SEMA3E: variants seen among roughly 807,000 people sequenced by gnomAD.
SEMA3E encodes the protein semaphorin-3E.
SEMA3E carries 49 observed loss-of-function variants against 93.6 expected under a neutral mutation model. The observed-to-expected ratio is 0.52, with a 90% CI of 0.42 to 0.66. SEMA3E has a LOEUF of 0.66. Among genes scored for constraint, SEMA3E ranks in the 30% least tolerant of loss-of-function variants. The pLI is 0.00. For missense variants in SEMA3E, 906 were observed against 964.8 expected (o/e 0.94, Z 0.81); for synonymous variants, 363 against 330.7 (o/e 1.10, Z -1.06).
chr7:83,525,084 T>C (rs11977520), intron 1 of SEMA3E, among the ~76,000 whole-genome samples: 2,171 of 152,204 alleles, frequency 0.014, 65 homozygotes, highest in African/African-American at 0.049. Context: ...AGAACTTGCA[T>C]GTCTGAACCG....
intron 1 of SEMA3E, among the ~76,000 whole-genome samples, chr7:83,514,528 T>C (rs1790889431): frequency 6.6e-6 from 1 of 152,164 alleles, no homozygotes. Flanking sequence ...TCTTGTGTTG[T>C]TGTTGTTGGT....
chr7:83,541,808 C>A (rs1442117910), intron 1 of SEMA3E, among the ~76,000 whole-genome samples: 1 of 152,054 alleles, frequency 6.6e-6, no homozygotes, highest in African/African-American at 2.4e-5. Context: ...GGCTGAAACA[C>A]ACAGAATGAT....
intron 11 of SEMA3E, among the ~76,000 whole-genome samples, chr7:83,399,341 A>G (rs1788190420): frequency 6.6e-6 from 1 of 152,180 alleles, no homozygotes; most frequent in Admixed American, 6.6e-5. Flanking sequence ...TGAAATTACA[A>G]ATTTATTTGA....
intron 2 of SEMA3E, 140 bp downstream of exon 2, chr7:83,489,972 TCA>T: frequency 1.3e-6 from 1 of 756,992 alleles, no homozygotes; most frequent in Non-Finnish European, 2.1e-6. Flanking sequence ...CAAAATGATT[TCA>T]GTTTTAACTA....
chr7:83,399,773 A>C (rs1388475086), intron 11 of SEMA3E, among the ~76,000 whole-genome samples: 1 of 152,154 alleles, frequency 6.6e-6, no homozygotes, highest in African/African-American at 2.4e-5. Flanking sequence ...CATCTGAAAA[A>C]AAACCACATA....
chr7:83,442,520 T>TA (rs1789135791), intron 4 of SEMA3E, among the ~76,000 whole-genome samples: 1 of 152,332 alleles, frequency 6.6e-6, no homozygotes, highest in South Asian at 2.1e-4. Flanking sequence ...TTTAGCCACT[T>TA]AAGGAATGGG....
At chr7:83,587,232 A>G (rs1792648379) in intron 1 of SEMA3E, among the ~76,000 whole-genome samples, 1 of 152,194 alleles carries the variant, frequency 6.6e-6, no homozygotes, top group South Asian at 2.1e-4. Context: ...ATTTTAACCA[A>G]TTTGAGGCTT....
At chr7:83,462,276 C>T (rs1026271048) in intron 4 of SEMA3E, 2 of 152,184 alleles carry the variant, frequency 1.3e-5, no homozygotes, top group Non-Finnish European at 2.9e-5. Flanking sequence ...TTTCAAGGGC[C>T]TGTTTCCCTT....
chr7:83,612,677 T>C (rs1236030802), intron 1 of SEMA3E: 1 of 152,074 alleles, frequency 6.6e-6, no homozygotes, highest in Non-Finnish European at 1.5e-5. Flanking sequence ...CCCTGGATTT[T>C]AAAGAACAGA....
At chr7:83,637,887 C>T (rs899974885) in intron 1 of SEMA3E, among the ~76,000 whole-genome samples, 2 of 149,142 alleles carry the variant, frequency 1.3e-5, no homozygotes, top group African/African-American at 5.0e-5. Context: ...GGTTTCTGGG[C>T]TGGTGTCCAA....
At position 83,471,462 on chromosome 7, in the gene SEMA3E, C is replaced by CTA. The variant is rs1470346920; in HGVS notation, c.277-2162_277-2161dup. On this transcript the variant is annotated intron_variant, in intron 2 of 16. Transcript: ENST00000643230. ...GGCTGAATTACCTTGTTGCCTCTCC[C>CTA]TAATGATTGGCAGGTCGGGTAAATG... Among the ~76,000 whole-genome samples the CTA allele has an allele frequency of 2.6e-5, 4 of 151,986 alleles. No individual in the cohort carries two copies. In the East Asian group the frequency reaches 7.7e-4, roughly 29 times the overall value.
chr7:83,387,014 T>G lies in SEMA3E; in HGVS notation c.1704A>C (p.Ala568=), dbSNP rs1447777911. The G allele has an allele frequency of 6.2e-7, 1 of 1,613,356 alleles. No individual in the cohort carries two copies. Among genetic ancestry groups the G allele is most frequent in the Non-Finnish European group, 8.5e-7 (1 of 1,179,624 alleles). ...FRRQDVRHGN[A]AQQCFGQQFV... is the part of the protein sequence containing the mutation. ...ACTGTTGTCCAAAGCACTGCTGAGCTGCATTTCCATGTCGAACATCTTGTC... is the reference window on the plus strand; with the variant it reads ...ACTGTTGTCCAAAGCACTGCTGAGCGGCATTTCCATGTCGAACATCTTGTC... The change falls in exon 15 of 17, where the codon GCA becomes GCC. Residue 568 remains alanine, a synonymous_variant. Transcript: ENST00000643230.
chr7:83,420,811 C>T (rs982716081), intron 4 of SEMA3E, among the ~76,000 whole-genome samples: 1 of 152,158 alleles, frequency 6.6e-6, no homozygotes, highest in African/African-American at 2.4e-5. Context: ...TTGCCATATA[C>T]AAAAATTAAC....
At chr7:83,541,725 C>T (rs1791536439) in intron 1 of SEMA3E, among the ~76,000 whole-genome samples, 1 of 152,054 alleles carries the variant, frequency 6.6e-6, no homozygotes. Context: ...CATGATGCTA[C>T]CTTTCAGAGA....
intron 1 of SEMA3E, among the ~76,000 whole-genome samples, chr7:83,555,433 T>C (rs1791867041): frequency 6.6e-6 from 1 of 152,218 alleles, no homozygotes; most frequent in Non-Finnish European, 1.5e-5. Context: ...CAGCATTTAA[T>C]TGTCTCACCA....
chr7:83,611,313 T>G (rs1421717498), intron 1 of SEMA3E, among the ~76,000 whole-genome samples: 3 of 143,842 alleles, frequency 2.1e-5, no homozygotes, highest in Non-Finnish European at 4.5e-5. Context: ...ATATATAAAT[T>G]TATGTATAAT....
Position 83,366,704 on chromosome 7 carries a change from A to T in SEMA3E, c.*882T>A, listed in dbSNP as rs1017499245. 2.6e-5 allele frequency: 4 copies of T among 152,148 alleles called. No individual in the cohort carries two copies. The highest frequency in any genetic ancestry group is 5.9e-5 in the Non-Finnish European group (4 of 67,966). 9.4% of individuals were successfully genotyped at this position (152,148 alleles called of 1,614,324 possible). A position where few individuals can be genotyped will look rare whatever the true frequency, so the allele number is the denominator to read the frequency against. ...TTTATTTCAGTTATTTGTTTCTGCA[A>T]ATGAACTTGATGTATCCATGTACCT... On this transcript the variant is annotated 3_prime_UTR_variant, in exon 17 of 17. Transcript: ENST00000643230.
intron 2 of SEMA3E, among the ~76,000 whole-genome samples, chr7:83,471,543 G>A (rs1336128740): frequency 6.6e-6 from 1 of 150,620 alleles, no homozygotes; most frequent in East Asian, 1.9e-4. Context: ...TGGAAGCTGG[G>A]TTAGTTCATG....
chr7:83,645,009 A>G (rs1445965815), intron 1 of SEMA3E, among the ~76,000 whole-genome samples: 2 of 151,924 alleles, frequency 1.3e-5, no homozygotes, highest in Admixed American at 1.3e-4. Context: ...CCCATGATTG[A>G]ATTTCTGGGG....
Sources: gnomAD v4.1 joint callset for allele counts (sites outside exome capture counted in the v4.1 genomes callset) on GRCh38, gnomAD v4.1.1 for gene constraint, MANE v1.5 for transcripts, NCBI Gene and HGNC (gene_info 2026-07-23, HGNC 2026-07-21) for gene names.